VWC2: variants seen among roughly 807,000 people sequenced by gnomAD.
VWC2 encodes the protein brorin.
VWC2 carries 14 observed loss-of-function variants against 29.8 expected under a neutral mutation model. That is an observed-to-expected ratio of 0.47 (90% CI 0.31 to 0.74). The LOEUF (loss-of-function observed/expected upper bound fraction) is 0.74. VWC2 is among the 30% of genes least tolerant of loss of function. The pLI is 0.05. For missense variants in VWC2, 457 were observed against 459.8 expected (o/e 0.99, Z 0.05); for synonymous variants, 213 against 199.0 (o/e 1.07, Z -0.59).
At chr7:49,864,915 T>C (rs1381183420) in intron 3 of VWC2, among the ~76,000 whole-genome samples, 1 of 152,192 alleles carries the variant, frequency 6.6e-6, no homozygotes, top group Admixed American at 6.5e-5. Flanking sequence ...CCTTTGACTG[T>C]TTTCCACGTT....
rs1236697159 is a variant in VWC2 at position 49,859,668 on chromosome 7, A to G, written c.827-52366A>G. Among the ~76,000 whole-genome samples, 4 of 152,246 alleles carry G rather than the reference A, an allele frequency of 2.6e-5. No individual in the cohort carries two copies. In the East Asian group the frequency reaches 7.7e-4, roughly 29 times the overall value. On this transcript the variant is annotated intron_variant, in intron 3 of 3. Coordinates refer to ENST00000340652, the MANE Select transcript of VWC2 (RefSeq NM_198570.5). Reference sequence around the variant, plus strand: ...AATACTGTGCTCTCTAAAGTGCTATAGATTTATACTATGTGTTGCCAATCG... The same window carrying G: ...AATACTGTGCTCTCTAAAGTGCTATGGATTTATACTATGTGTTGCCAATCG...
At chr7:49,831,641 G>A (rs1300055078) in intron 3 of VWC2, among the ~76,000 whole-genome samples, 3 of 152,208 alleles carry the variant, frequency 2.0e-5, no homozygotes, top group African/African-American at 7.2e-5. Context: ...AGGTACTGGA[G>A]GTGGGAGGGC....
intron 3 of VWC2, among the ~76,000 whole-genome samples, chr7:49,837,572 A>T (rs1181663413): frequency 6.6e-6 from 1 of 152,192 alleles, no homozygotes; most frequent in Non-Finnish European, 1.5e-5. Context: ...ACGTCTGATC[A>T]GTCATGGCAC....
At chr7:49,838,382 A>T (rs192121004) in intron 3 of VWC2, among the ~76,000 whole-genome samples, 1 of 152,132 alleles carries the variant, frequency 6.6e-6, no homozygotes, top group Admixed American at 6.5e-5. Context: ...TTTCCTTAGG[A>T]ATAACTAATT....
intron 3 of VWC2, among the ~76,000 whole-genome samples, chr7:49,831,843 A>G (rs538593206): frequency 2.0e-5 from 3 of 152,218 alleles, no homozygotes; most frequent in African/African-American, 7.2e-5. Flanking sequence ...GAAGAACAGA[A>G]GATCTTTAAG....
intron 2 of VWC2, among the ~76,000 whole-genome samples, chr7:49,778,164 C>G (rs1437473558): frequency 6.6e-6 from 1 of 151,848 alleles, no homozygotes; most frequent in Non-Finnish European, 1.5e-5. Context: ...CTGCTTTTGT[C>G]TATGGAGGAG....
intron 2 of VWC2, among the ~76,000 whole-genome samples, chr7:49,780,568 T>G (rs567907604): frequency 6.6e-6 from 1 of 152,250 alleles, no homozygotes; most frequent in African/African-American, 2.4e-5. Flanking sequence ...TTTGTGACTC[T>G]GAAATAGGGC....
intron 3 of VWC2, among the ~76,000 whole-genome samples, chr7:49,833,912 A>G (rs540751507): frequency 6.6e-6 from 1 of 152,314 alleles, no homozygotes; most frequent in Admixed American, 6.5e-5. Context: ...TTAGCTATAT[A>G]GGTTTCAAGA....
intron 2 of VWC2, among the ~76,000 whole-genome samples, chr7:49,778,361 T>C (rs17663710): frequency 0.043 from 6,555 of 152,340 alleles, 217 homozygotes; most frequent in East Asian, 0.098. Context: ...CATCTTCAAA[T>C]GACGTTTCAT....
At chr7:49,806,100 C>CCCT (rs1279718308) in intron 3 of VWC2, among the ~76,000 whole-genome samples, 32 of 150,950 alleles carry the variant, frequency 2.1e-4, no homozygotes, top group African/African-American at 7.3e-4. Context: ...TAAATTCCAC[C>CCCT]CCCCCACAAT....
At chr7:49,877,397 G>A (rs1436458333) in intron 3 of VWC2, among the ~76,000 whole-genome samples, 7 of 140,826 alleles carry the variant, frequency 5.0e-5, no homozygotes, top group Non-Finnish European at 1.1e-4. Flanking sequence ...GGGAGGCAGA[G>A]GTTGCAGTGA....
At chr7:49,884,194 G>A (rs1260847432) in intron 3 of VWC2, among the ~76,000 whole-genome samples, 1 of 152,216 alleles carries the variant, frequency 6.6e-6, no homozygotes, top group East Asian at 1.9e-4. Flanking sequence ...GAAGGGTCCA[G>A]GCTGCTGGCT....
intron 3 of VWC2, among the ~76,000 whole-genome samples, chr7:49,868,470 TTTTATAA>T (rs1791004368): frequency 6.6e-6 from 1 of 152,204 alleles, no homozygotes; most frequent in Non-Finnish European, 1.5e-5. Context: ...ATGTACTGTA[TTTTATAA>T]AAATACCTAA....
chr7:49,859,785 T>C (rs577075442), intron 3 of VWC2, among the ~76,000 whole-genome samples: 6,745 of 79,998 alleles, frequency 0.084, 392 homozygotes, highest in South Asian at 0.23. Context: ...ACAGTGCGCG[T>C]GCGTGCACAC....
chr7:49,865,222 G>A (rs1008182428), intron 3 of VWC2, among the ~76,000 whole-genome samples: 1 of 152,198 alleles, frequency 6.6e-6, no homozygotes, highest in African/African-American at 2.4e-5. Flanking sequence ...CGTGGGGTAG[G>A]AGAGAAAGGC....
chr7:49,906,450 C>CTCA, intron 3 of VWC2, among the ~76,000 whole-genome samples: 1 of 152,118 alleles, frequency 6.6e-6, no homozygotes, highest in Non-Finnish European at 1.5e-5. Flanking sequence ...ATTTTCCTGC[C>CTCA]TCAGCCTCCC....
At chr7:49,794,501 A>G (rs1162135473) in intron 2 of VWC2, among the ~76,000 whole-genome samples, 1 of 152,234 alleles carries the variant, frequency 6.6e-6, no homozygotes, top group Non-Finnish European at 1.5e-5. Context: ...TGTAATAGAC[A>G]GGGTGTATGC....
rs202073984 is a variant in VWC2, at chr7:49,789,109, TGA to T, written c.696+12984_696+12985del. 8.4e-3 allele frequency among the ~76,000 whole-genome samples: 1,042 copies of T among 124,784 alleles called. 9 individuals carry two copies. The highest frequency in any genetic ancestry group is 0.03 in the Middle Eastern group (8 of 270). The allele number at this position is 124,784 out of a possible 152,430, so 81.9% of individuals were successfully genotyped here. ...GTAGGTTTGGGTGTGAGAGAGAGAT[TGA>T]GAGAGTGTAGTGTGTGTGTGAATGG... is the stretch of plus-strand genomic sequence containing the variant. On this transcript the variant is annotated intron_variant, in intron 2 of 3. Transcript: ENST00000340652.
At chr7:49,892,578 C>A (rs1048195583) in intron 3 of VWC2, among the ~76,000 whole-genome samples, 2 of 152,102 alleles carry the variant, frequency 1.3e-5, no homozygotes, top group African/African-American at 4.8e-5. Context: ...TGGTCATGTT[C>A]TGTTTCTTGA....
Sources: allele counts gnomAD v4.1 joint callset (sites outside exome capture counted in the v4.1 genomes callset), GRCh38; gene constraint gnomAD v4.1.1; transcripts MANE v1.5; gene names NCBI Gene and HGNC (gene_info 2026-07-23, HGNC 2026-07-21).